EPC2: variants seen among roughly 807,000 people sequenced by gnomAD.
EPC2 encodes the protein enhancer of polycomb 2.
In EPC2, 14 loss-of-function variants were observed where a neutral mutation model predicts 92.1. That is an observed-to-expected ratio of 0.15 (90% CI 0.10 to 0.24). EPC2 has a LOEUF of 0.24. EPC2 is among the 10% of genes least tolerant of loss of function. The pLI, the probability that EPC2 is intolerant of heterozygous loss-of-function variation, is 1.00. For synonymous variants in EPC2, 340 were observed against 334.7 expected, an observed-to-expected ratio of 1.02 and a Z score of -0.17; for missense variants, 755 against 971.5, an observed-to-expected ratio of 0.78 and a Z score of 2.96.
Position 148,762,795 on chromosome 2 carries a change from A to C in EPC2, c.941A>C (p.Lys314Thr). 2.5e-6 allele frequency: 4 copies of C among 1,604,250 alleles called. No homozygotes were observed. Among genetic ancestry groups the C allele is most frequent in the Non-Finnish European group, 3.4e-6 (4 of 1,176,824 alleles). ...AATCATCACAAAGTTCAAGAATGTA[A>C]AACTAAGGTGAATATTGTCTGGGAA... ...NGNHHKVQEC[K>T]TKHPHHLSLK... Residue 314 changes from lysine (K) to threonine (T), a missense_variant, in exon 6 of 14, where the codon AAA becomes ACA. Lys to Thr is a moderately conservative substitution (Grantham distance 78, BLOSUM62 -1). Around this residue, in one of 4 missense-constraint regions of EPC2, gnomAD observed 509 missense variants for 607.7 expected, o/e 0.84. Coordinates refer to ENST00000258484, the MANE Select transcript of EPC2 (RefSeq NM_015630.4).
At chr2:148,777,914 C>G (rs1486602732) in intron 10 of EPC2, among the ~76,000 whole-genome samples, 2 of 152,112 alleles carry the variant, frequency 1.3e-5, no homozygotes, top group African/African-American at 4.8e-5. Context: ...ACAGACTGTT[C>G]TGTATACAAC....
intron 1 of EPC2, among the ~76,000 whole-genome samples, chr2:148,647,755 C>T (rs1035293359): frequency 2.0e-5 from 3 of 150,962 alleles, no homozygotes; most frequent in Non-Finnish European, 4.4e-5. Flanking sequence ...GCCTCAGCCT[C>T]TCAAGTAGTT....
At chr2:148,664,283 G>A (rs909610496) in intron 1 of EPC2, among the ~76,000 whole-genome samples, 12 of 152,112 alleles carry the variant, frequency 7.9e-5, no homozygotes, top group African/African-American at 2.7e-4. Flanking sequence ...TGGATTGCTC[G>A]AGTCCAGGAG....
intron 2 of EPC2, among the ~76,000 whole-genome samples, chr2:148,698,713 GAGA>G (rs1438633264): frequency 5.2e-3 from 87 of 16,632 alleles, no homozygotes; most frequent in Middle Eastern, 0.031. Flanking sequence ...TTTTTTTTTT[GAGA>G]AGCTGATTTT....
chr2:148,660,620 A>G (rs1021641082), intron 1 of EPC2, among the ~76,000 whole-genome samples: 1 of 151,540 alleles, frequency 6.6e-6, no homozygotes, highest in Non-Finnish European at 1.5e-5. Context: ...TGGTTTTTGA[A>G]TTAAAGTTAA....
At chr2:148,655,350 G>C (rs888055945) in intron 1 of EPC2, among the ~76,000 whole-genome samples, 2 of 152,228 alleles carry the variant, frequency 1.3e-5, no homozygotes, top group African/African-American at 4.8e-5. Context: ...GAACTCCTCA[G>C]AATGATGCCA....
chr2:148,691,617 C>A, intron 2 of EPC2: 1 of 1,550,014 alleles, frequency 6.5e-7, no homozygotes, highest in Non-Finnish European at 8.7e-7. Context: ...TTTGTTTCTG[C>A]CAGGCATTTG....
At chr2:148,743,932 C>T (rs962065399) in intron 3 of EPC2, among the ~76,000 whole-genome samples, 165 bp downstream of exon 3, 1 of 152,060 alleles carries the variant, frequency 6.6e-6, no homozygotes, top group African/African-American at 2.4e-5. Flanking sequence ...AGCACAATTT[C>T]TTTGAATAAG....
chr2:148,711,476 T>C (rs1201675384), intron 2 of EPC2, among the ~76,000 whole-genome samples: 1 of 152,188 alleles, frequency 6.6e-6, no homozygotes, highest in Non-Finnish European at 1.5e-5. Context: ...TCTCATAAAA[T>C]TTATTATTTT....
rs114140554 is a variant in EPC2 at position 148,785,300 on chromosome 2, G to A, written c.2351+299G>A. The stretch of plus-strand genomic sequence containing the variant: ...AACTGTCAAACACATCAGAGTCTAT[G>A]TTAGAAGCTTCAGTTACTCTTCCCC... On this transcript the variant is annotated intron_variant, in intron 13 of 13. Transcript: ENST00000258484. Among the ~76,000 whole-genome samples the A allele has an allele frequency of 4.1e-3, 628 of 152,198 alleles. 3 individuals are homozygous for A. The highest frequency in any genetic ancestry group is 0.015 in the African/African-American group (610 of 41,538).
At chr2:148,780,070 C>T (rs1035099666) in intron 10 of EPC2, among the ~76,000 whole-genome samples, 1 of 151,990 alleles carries the variant, frequency 6.6e-6, no homozygotes, top group African/African-American at 2.4e-5. Context: ...AAAAATTTTT[C>T]ATTTAAAAAT....
intron 4 of EPC2, among the ~76,000 whole-genome samples, chr2:148,759,446 G>C (rs947141952): frequency 1.3e-5 from 2 of 152,166 alleles, no homozygotes; most frequent in African/African-American, 2.4e-5. Context: ...CCTTATAGCA[G>C]TAACTATATT....
intron 2 of EPC2, chr2:148,692,334 T>G (rs2105372478): frequency 6.5e-6 from 1 of 154,952 alleles, no homozygotes; most frequent in Admixed American, 6.4e-5. Flanking sequence ...TAACCATTCT[T>G]TCTCTCCTTT....
At chr2:148,726,765 G>GTTTTTTTTTTTTTTTTGTTT (rs201293391) in intron 2 of EPC2, among the ~76,000 whole-genome samples, 1 of 100,608 alleles carries the variant, frequency 9.9e-6, no homozygotes, top group Non-Finnish European at 2.0e-5. Context: ...TTTGTTTTTT[G>GTTTTTTTTTTTTTTTTGTTT]TTTTTTTTTT....
chr2:148,721,403 T>C (rs1682370979), intron 2 of EPC2, among the ~76,000 whole-genome samples: 1 of 152,178 alleles, frequency 6.6e-6, no homozygotes, highest in African/African-American at 2.4e-5. Flanking sequence ...GAGGAATATC[T>C]GATGTGATCT....
intron 2 of EPC2, among the ~76,000 whole-genome samples, chr2:148,700,743 T>C (rs866704384): frequency 3.9e-5 from 6 of 151,970 alleles, no homozygotes; most frequent in African/African-American, 1.2e-4. Flanking sequence ...TCTGCCTTTT[T>C]TCTTCTTTAC....
At chr2:148,693,156 T>A (rs542719015) in intron 2 of EPC2, among the ~76,000 whole-genome samples, 3 of 152,378 alleles carry the variant, frequency 2.0e-5, no homozygotes, top group South Asian at 4.1e-4. Flanking sequence ...AAATTTTTTT[T>A]ATGTAACTTT....
At chr2:148,735,757 C>T (rs1039157395) in intron 2 of EPC2, among the ~76,000 whole-genome samples, 1 of 151,888 alleles carries the variant, frequency 6.6e-6, no homozygotes, top group African/African-American at 2.4e-5. Flanking sequence ...TATCATATCA[C>T]TCCTTAAAAG....
chr2:148,650,236 C>G (rs1680650153), intron 1 of EPC2, among the ~76,000 whole-genome samples: 1 of 152,076 alleles, frequency 6.6e-6, no homozygotes, highest in Non-Finnish European at 1.5e-5. Context: ...ATTTCTTTTT[C>G]TGTTCCAAGA....
Sources: allele counts gnomAD v4.1 joint callset (sites outside exome capture counted in the v4.1 genomes callset), GRCh38; gene constraint gnomAD v4.1.1; regional missense constraint gnomAD v4.1.1; transcripts MANE v1.5; gene names NCBI Gene and HGNC (gene_info 2026-07-23, HGNC 2026-07-21).